CDIN1: variants seen among roughly 807,000 people sequenced by gnomAD.
CDIN1 encodes the protein CDAN1-interacting nuclease 1.
In CDIN1, 33 loss-of-function variants were observed where a neutral mutation model predicts 45.3. The ratio of observed to expected loss-of-function variants is 0.73; its 90% CI spans 0.55 to 0.97. CDIN1 has a LOEUF of 0.97. Among genes scored for constraint, CDIN1 ranks in the 50% least tolerant of loss-of-function variants. CDIN1 has a pLI of 0.00. For missense variants in CDIN1, 303 were observed against 339.4 expected (o/e 0.89, Z 0.84); for synonymous variants, 118 against 124.4 (o/e 0.95, Z 0.34).
intron 1 of CDIN1, among the ~76,000 whole-genome samples, chr15:36,597,128 C>G (rs965573937): frequency 1.3e-5 from 2 of 152,136 alleles, no homozygotes; most frequent in Admixed American, 6.5e-5. Flanking sequence ...ATGTATGTGC[C>G]TATGACAGAG....
At chr15:36,737,210 A>G (rs2044061095) in intron 10 of CDIN1, among the ~76,000 whole-genome samples, 2 of 151,000 alleles carry the variant, frequency 1.3e-5, no homozygotes, top group Admixed American at 6.6e-5. Context: ...GCCCTTTTGC[A>G]TGCCTTTGCT....
chr15:36,692,273 A>G, intron 7 of CDIN1, 98 bp downstream of exon 7: 1 of 1,119,580 alleles, frequency 8.9e-7, no homozygotes, highest in Non-Finnish European at 1.3e-6. Context: ...TGCTTCACAA[A>G]ACACATTTCA....
intron 10 of CDIN1, among the ~76,000 whole-genome samples, chr15:36,755,299 C>T (rs1027763513): frequency 8.5e-5 from 13 of 152,258 alleles, no homozygotes; most frequent in African/African-American, 2.4e-4. Context: ...AACCATCACC[C>T]GGGCACCCAA....
chr15:36,715,943 T>A (rs534594011), intron 10 of CDIN1, among the ~76,000 whole-genome samples: 31 of 152,128 alleles, frequency 2.0e-4, no homozygotes, highest in Non-Finnish European at 4.1e-4. Flanking sequence ...TAACAAGACT[T>A]TTCTAAGTGA....
intron 5 of CDIN1, among the ~76,000 whole-genome samples, chr15:36,689,424 C>G (rs1475438950): frequency 2.6e-5 from 4 of 152,246 alleles, no homozygotes; most frequent in African/African-American, 9.6e-5. Flanking sequence ...TGATCTCTTC[C>G]TCACATGGGT....
chr15:36,644,256 G>A (rs1413431916), intron 1 of CDIN1, 22 bp from the exon 2 acceptor site: 3 of 1,612,574 alleles, frequency 1.9e-6, no homozygotes, highest in Admixed American at 3.3e-5. Context: ...AATTAACTTT[G>A]TCCTTCTTTT....
chr15:36,715,916 A>G (rs1264102856), intron 10 of CDIN1, among the ~76,000 whole-genome samples: 1 of 152,152 alleles, frequency 6.6e-6, no homozygotes, highest in Non-Finnish European at 1.5e-5. Context: ...TCATTTTTTC[A>G]GCATGTTGAA....
chr15:36,745,517 A>G (rs2044388284), intron 10 of CDIN1, among the ~76,000 whole-genome samples: 1 of 152,078 alleles, frequency 6.6e-6, no homozygotes, highest in African/African-American at 2.4e-5. Context: ...TTTCAAAACA[A>G]CTGTTAACTA....
At chr15:36,729,040 C>G (rs1387810182) in intron 10 of CDIN1, among the ~76,000 whole-genome samples, 1 of 152,108 alleles carries the variant, frequency 6.6e-6, no homozygotes, top group East Asian at 1.9e-4. Flanking sequence ...AACACAATGG[C>G]CAGAAACAAA....
At chr15:36,791,120 G>C (rs764569283) in intron 10 of CDIN1, among the ~76,000 whole-genome samples, 16 of 152,118 alleles carry the variant, frequency 1.1e-4, no homozygotes, top group Non-Finnish European at 2.2e-4. Context: ...AATGAACAAA[G>C]GCAAATGAAT....
At chr15:36,607,602 T>C (rs1197072573) in intron 1 of CDIN1, among the ~76,000 whole-genome samples, 1 of 152,188 alleles carries the variant, frequency 6.6e-6, no homozygotes, top group African/African-American at 2.4e-5. Flanking sequence ...TTCCTCCCTC[T>C]TAACTTCCTT....
chr15:36,778,408 A>C (rs8032702), intron 10 of CDIN1, among the ~76,000 whole-genome samples: 88,120 of 152,008 alleles, frequency 0.58, 25,809 homozygotes, highest in Middle Eastern at 0.69. Flanking sequence ...TGCTACCTAC[A>C]AACTTTTTCT....
At chr15:36,664,781 C>G (rs193090049) in intron 5 of CDIN1, among the ~76,000 whole-genome samples, 3 of 152,268 alleles carry the variant, frequency 2.0e-5, no homozygotes, top group East Asian at 1.9e-4. Flanking sequence ...CTCCTGACCT[C>G]GTGATCCGCC....
chr15:36,718,227 G>T (rs552387602), intron 10 of CDIN1, among the ~76,000 whole-genome samples: 1 of 151,766 alleles, frequency 6.6e-6, no homozygotes, highest in South Asian at 2.1e-4. Flanking sequence ...TTCCATCATC[G>T]GTTTGTCTAT....
intron 1 of CDIN1, among the ~76,000 whole-genome samples, chr15:36,640,230 T>G (rs2140387103): frequency 6.6e-6 from 1 of 152,216 alleles, no homozygotes; most frequent in South Asian, 2.1e-4. Flanking sequence ...TTGTGTGTGG[T>G]ATGTGTGTGT....
intron 5 of CDIN1, among the ~76,000 whole-genome samples, chr15:36,664,218 A>G (rs1425822343): frequency 6.6e-6 from 1 of 152,206 alleles, no homozygotes; most frequent in Non-Finnish European, 1.5e-5. Context: ...GTTCCAGACC[A>G]CAGTTTATAG....
chr15:36,624,306 A>G (rs1262634914), intron 1 of CDIN1, among the ~76,000 whole-genome samples: 1 of 152,206 alleles, frequency 6.6e-6, no homozygotes, highest in East Asian at 1.9e-4. Context: ...AGTGCTGAGA[A>G]TAACTGACAA....
At chr15:36,808,291 A>ATG (rs756435287) in intron 10 of CDIN1, 33 bp from the exon 11 acceptor site, 15 of 1,610,860 alleles carry the variant, frequency 9.3e-6, no homozygotes, top group Non-Finnish European at 1.3e-5. Context: ...TGTTGATACC[A>ATG]TGTGTGTGTG....
rs1253799853 is a variant in CDIN1, at chr15:36,633,826, T to A, written c.102-10452T>A. On this transcript the variant is annotated intron_variant, in intron 1 of 10. Coordinates refer to ENST00000566621, the MANE Select transcript of CDIN1 (RefSeq NM_001321759.2). The stretch of plus-strand genomic sequence containing the variant: ...AGGCTGGATTGCAGTGGTGGGATCT[T>A]AGCTAACAGCAACCTCTGTCTCCCG... Among the ~76,000 whole-genome samples, 3 of 151,638 alleles carry A rather than the reference T, an allele frequency of 2.0e-5. No homozygotes were observed. In the East Asian group the frequency reaches 5.9e-4, roughly 30 times the overall value.
Sources: allele counts gnomAD v4.1 joint callset (sites outside exome capture counted in the v4.1 genomes callset), GRCh38; gene constraint gnomAD v4.1.1; transcripts MANE v1.5; gene names NCBI Gene and HGNC (gene_info 2026-07-23, HGNC 2026-07-21).